The following GRM7 variants were observed in gnomAD, a reference collection of about 807,000 sequenced individuals.
GRM7 encodes glutamate metabotropic receptor 7.
Under a neutral mutation model 84.5 loss-of-function variants are expected in GRM7, and 35 were observed. The ratio of observed to expected loss-of-function variants is 0.41; its 90% CI spans 0.32 to 0.55. The LOEUF is 0.55. GRM7 is among the 20% of genes least tolerant of loss of function. GRM7 has a pLI of 0.19. For missense variants in GRM7, 1,003 were observed against 1,194.6 expected (o/e 0.84, Z 2.36); for synonymous variants, 487 against 455.1 (o/e 1.07, Z -0.89).
At chr3:7,111,111 A>C (rs1692834643) in intron 1 of GRM7, among the ~76,000 whole-genome samples, 1 of 152,064 alleles carries the variant, frequency 6.6e-6, no homozygotes, top group Non-Finnish European at 1.5e-5. Context: ...CAGAGTTTAA[A>C]CCCTGAAGCA....
At chr3:7,515,839 T>G (rs956947350) in intron 7 of GRM7, among the ~76,000 whole-genome samples, 2 of 151,942 alleles carry the variant, frequency 1.3e-5, no homozygotes, top group African/African-American at 4.8e-5. Context: ...TGCATGAGGC[T>G]GATATAAAAA....
chr3:7,475,802 C>T (rs572035222), intron 7 of GRM7, among the ~76,000 whole-genome samples: 1 of 152,308 alleles, frequency 6.6e-6, no homozygotes, highest in South Asian at 2.1e-4. Flanking sequence ...GCATTTCTAT[C>T]ATGGAGTATT....
At chr3:7,228,405 C>T (rs1697052880) in intron 2 of GRM7, among the ~76,000 whole-genome samples, 1 of 151,170 alleles carries the variant, frequency 6.6e-6, no homozygotes, top group African/African-American at 2.4e-5. Context: ...GAAACAAAAT[C>T]CGATAAAACA....
chr3:7,054,993 C>T (rs1255998798), intron 1 of GRM7, among the ~76,000 whole-genome samples: 1 of 152,068 alleles, frequency 6.6e-6, no homozygotes, highest in Admixed American at 6.6e-5. Flanking sequence ...ACGTATGTTC[C>T]AGTTTTCCCG....
At chr3:7,638,818 G>A (rs1457009600) in intron 8 of GRM7, among the ~76,000 whole-genome samples, 1 of 152,180 alleles carries the variant, frequency 6.6e-6, no homozygotes, top group Non-Finnish European at 1.5e-5. Flanking sequence ...TGCATTAGTT[G>A]TATCTAAAGG....
intron 7 of GRM7, among the ~76,000 whole-genome samples, chr3:7,556,529 C>A (rs1347419333): frequency 6.6e-6 from 1 of 152,018 alleles, no homozygotes; most frequent in African/African-American, 2.4e-5. Flanking sequence ...TTGTAAATAG[C>A]CATTATTTTG....
chr3:7,669,993 G>T (rs965779242), intron 8 of GRM7, among the ~76,000 whole-genome samples: 1 of 151,974 alleles, frequency 6.6e-6, no homozygotes, highest in Admixed American at 6.5e-5. Flanking sequence ...GTAATGAGGG[G>T]TTTTGAGTGC....
intron 4 of GRM7, among the ~76,000 whole-genome samples, chr3:7,396,488 A>G (rs1441610835): frequency 6.6e-6 from 1 of 152,184 alleles, no homozygotes; most frequent in Admixed American, 6.5e-5. Flanking sequence ...TGCATCTTAA[A>G]TTAACATATG....
intron 1 of GRM7, among the ~76,000 whole-genome samples, chr3:7,143,693 A>T (rs1694021971): frequency 1.3e-5 from 2 of 152,260 alleles, no homozygotes; most frequent in South Asian, 4.1e-4. Context: ...GTAGCTACAT[A>T]AATGCAAATT....
intron 9 of GRM7, chr3:7,681,105 G>T (rs1386255482): frequency 6.6e-6 from 1 of 152,168 alleles, no homozygotes; most frequent in Non-Finnish European, 1.5e-5. Flanking sequence ...CTAACAATAT[G>T]GTGGTAAGAG....
intron 1 of GRM7, among the ~76,000 whole-genome samples, chr3:7,000,486 C>T (rs967852979): frequency 2.0e-5 from 3 of 151,956 alleles, no homozygotes; most frequent in Non-Finnish European, 2.9e-5. Flanking sequence ...CTCGCCCGGG[C>T]GAGCATGTGA....
rs544045938 is a variant in GRM7, at chr3:7,418,076, T to C, written c.1174+2913T>C. 1.4e-4 allele frequency among the ~76,000 whole-genome samples: 21 copies of C among 152,316 alleles called. 1 individual carries two copies. The highest frequency in any genetic ancestry group is 1.0e-3 in the South Asian group (5 of 4,830). ...GGGGCTAGATGTGCATGAATTCTTA[T>C]AGAAAATGACCTGAACAACTATGTA... is the stretch of plus-strand genomic sequence containing the variant. On this transcript the variant is annotated intron_variant, in intron 5 of 9. Transcript: ENST00000357716.
At chr3:7,006,693 A>G (rs1695192065) in intron 1 of GRM7, among the ~76,000 whole-genome samples, 1 of 152,220 alleles carries the variant, frequency 6.6e-6, no homozygotes, top group Admixed American at 6.5e-5. Flanking sequence ...ATTAATTTTC[A>G]TAATTGAGAA....
chr3:6,942,063 A>G (rs12497616), intron 1 of GRM7, among the ~76,000 whole-genome samples: 27,101 of 152,132 alleles, frequency 0.18, 2,562 homozygotes, highest in Non-Finnish European at 0.21. Flanking sequence ...CCAAGTGTTA[A>G]TCACTTTTAT....
Position 7,056,151 on chromosome 3 carries a change from C to G in GRM7, c.520-90301C>G, listed in dbSNP as rs77555929. Among the ~76,000 whole-genome samples, 840 of 152,148 alleles carry G rather than the reference C, an allele frequency of 5.5e-3. 18 individuals carry two copies. Among genetic ancestry groups the G allele is most frequent in the East Asian group, 0.038 (196 of 5,136 alleles). On this transcript the variant is annotated intron_variant, in intron 1 of 9. Transcript: ENST00000357716. ...ACCAGCACACTGACTGATGAACCAG[C>G]AGCTCTGATTTTCCCTTGGAAGGCC... is the stretch of plus-strand genomic sequence containing the variant.
Position 7,175,155 on chromosome 3 carries a change from A to G in GRM7, c.736+28487A>G, listed in dbSNP as rs183431344. Reference sequence around the variant, plus strand: ...TTTCAGTTTTGCTTTTGGAACATGTATTTAAACTCTTGAAGACTTGAATGG... The same window carrying G: ...TTTCAGTTTTGCTTTTGGAACATGTGTTTAAACTCTTGAAGACTTGAATGG... On this transcript the variant is annotated intron_variant, in intron 2 of 9. Coordinates refer to ENST00000357716, the MANE Select transcript of GRM7 (RefSeq NM_000844.4). Among the ~76,000 whole-genome samples, 565 of 152,326 alleles carry G rather than the reference A, an allele frequency of 3.7e-3. 2 individuals are homozygous for G. Among genetic ancestry groups the G allele is most frequent in the Admixed American group, 6.2e-3 (95 of 15,300 alleles).
rs190840479 is a variant in GRM7 at position 7,038,862 on chromosome 3, T to A, written c.520-107590T>A. ...TAAATAAAGCTTCCACCCCTTTTTT[T>A]AAAAAATTATAATACCCATGTACTT... On this transcript the variant is annotated intron_variant, in intron 1 of 9. Coordinates refer to ENST00000357716, the MANE Select transcript of GRM7 (RefSeq NM_000844.4). Among the ~76,000 whole-genome samples, 898 of 152,236 alleles carry A rather than the reference T, an allele frequency of 5.9e-3. 5 individuals carry two copies. Among genetic ancestry groups the A allele is most frequent in the African/African-American group, 0.015 (638 of 41,542 alleles).
intron 9 of GRM7, among the ~76,000 whole-genome samples, chr3:7,683,172 T>G (rs762663453): frequency 6.6e-6 from 1 of 152,226 alleles, no homozygotes; most frequent in Non-Finnish European, 1.5e-5. Context: ...GGAGATTCTT[T>G]AAACATACTG....
chr3:7,245,700 A>G (rs537914157), intron 2 of GRM7, among the ~76,000 whole-genome samples: 9 of 152,168 alleles, frequency 5.9e-5, no homozygotes, highest in African/African-American at 2.2e-4. Context: ...ACATAAGGGA[A>G]ATGATGCCTA....
Sources: allele counts gnomAD v4.1 joint callset (sites outside exome capture counted in the v4.1 genomes callset), GRCh38; gene constraint gnomAD v4.1.1; transcripts MANE v1.5; gene names NCBI Gene and HGNC (gene_info 2026-07-23, HGNC 2026-07-21).